Variants in VRTN observed in about 807,000 individuals in gnomAD.
VRTN encodes vertebrae development associated.
VRTN carries 5 observed loss-of-function variants against 18.2 expected under a neutral mutation model. The observed-to-expected ratio is 0.27, with a 90% confidence interval of 0.14 to 0.58. The LOEUF (loss-of-function observed/expected upper bound fraction) is 0.58. Among genes scored for constraint, VRTN ranks in the 20% least tolerant of loss-of-function variants. The pLI, the probability that VRTN is intolerant of heterozygous loss-of-function variation, is 0.91. For synonymous variants in VRTN, 381 were observed against 393.7 expected (o/e 0.97, Z 0.38); for missense variants, 741 against 939.4 (o/e 0.79, Z 2.76).
intron 1 of VRTN, among the ~76,000 whole-genome samples, chr14:74,353,763 T>C (rs2140212928): frequency 6.6e-6 from 1 of 152,038 alleles, no homozygotes; most frequent in East Asian, 1.9e-4. Context: ...CACTCTGTCG[T>C]CCAGGCTGGA....
At chr14:74,331,688 G>A (rs866570557) in intron 1 of VRTN, among the ~76,000 whole-genome samples, 1 of 149,346 alleles carries the variant, frequency 6.7e-6, no homozygotes, top group African/African-American at 2.5e-5. Context: ...GAGCTTAGAG[G>A]TAATTTTAGT....
At chr14:74,315,440 T>C (rs2085414299) in intron 1 of VRTN, among the ~76,000 whole-genome samples, 4 of 152,152 alleles carry the variant, frequency 2.6e-5, no homozygotes, top group Admixed American at 2.6e-4. Context: ...TGGCCATGCC[T>C]ATAATCCCAG....
At chr14:74,334,935 G>C (rs922548299) in intron 1 of VRTN, among the ~76,000 whole-genome samples, 1 of 152,132 alleles carries the variant, frequency 6.6e-6, no homozygotes, top group Non-Finnish European at 1.5e-5. Flanking sequence ...AAGACAAAGA[G>C]TATGATTCCT....
At chr14:74,332,869 G>A (rs543205980) in intron 1 of VRTN, among the ~76,000 whole-genome samples, 5 of 152,198 alleles carry the variant, frequency 3.3e-5, no homozygotes, top group African/African-American at 1.2e-4. Flanking sequence ...TGAAATCTTT[G>A]CTCTCCCATG....
chr14:74,324,634 TC>T (rs1432545864), intron 1 of VRTN, among the ~76,000 whole-genome samples: 1 of 151,986 alleles, frequency 6.6e-6, no homozygotes, highest in African/African-American at 2.4e-5. Flanking sequence ...ACACCTGTAA[TC>T]CCAGCACTTT....
chr14:74,326,575 G>C (rs921447920), intron 1 of VRTN, among the ~76,000 whole-genome samples: 7 of 152,032 alleles, frequency 4.6e-5, no homozygotes, highest in Non-Finnish European at 2.9e-5. Flanking sequence ...TCTCGCACCT[G>C]CTGGCAGCGG....
At position 74,358,096 on chromosome 14, in the gene VRTN, A is replaced by C; in HGVS notation, c.1313A>C (p.Asn438Thr). ...FPGISRSTYYNWRRKALRRNP... is the reference protein window; with the variant it reads ...FPGISRSTYYTWRRKALRRNP... The stretch of plus-strand genomic sequence containing the variant: ...GGCATCTCACGGTCCACTTATTATA[A>C]TTGGCGGCGAAAGGCCCTCCGGAGG... The change falls in exon 2 of 2, where the codon AAT becomes ACT. Residue 438 changes from asparagine to threonine, a missense_variant. By Grantham distance (65) the Asn-to-Thr change is moderately conservative. Coordinates refer to ENST00000256362, the MANE Select transcript of VRTN (RefSeq NM_018228.3). The surrounding 1 kb of genome is among the most constrained non-coding windows in gnomAD (Gnocchi z 5.4). 6.2e-7 allele frequency: 1 copy of C among 1,614,156 alleles called. No homozygotes were observed. Among genetic ancestry groups the C allele is most frequent in the East Asian group, 2.2e-5 (1 of 44,876 alleles).
chr14:74,344,772 A>T (rs1018598806), upstream of VRTN, among the ~76,000 whole-genome samples: 1 of 146,574 alleles, frequency 6.8e-6, no homozygotes, highest in Admixed American at 6.7e-5. Context: ...ATGTAAAAAT[A>T]TGTGTGTAAC....
rs181508304 is a variant in VRTN, at chr14:74,321,794, G to A, written c.-163-15929G>A. Among the ~76,000 whole-genome samples the A allele has an allele frequency of 2.6e-3, 393 of 151,644 alleles. 2 individuals are homozygous for A. Among genetic ancestry groups the A allele is most frequent in the African/African-American group, 9.1e-3 (377 of 41,348 alleles). On this transcript the variant is annotated intron_variant, in intron 1 of 2. Transcript: ENST00000557177. The stretch of plus-strand genomic sequence containing the variant: ...GTTGGGATTACAGGCGTGAGCCACC[G>A]TGCCCAGCTTTTCATTTGCATTTTT...
At chr14:74,353,489 T>C (rs2085700887) in intron 1 of VRTN, among the ~76,000 whole-genome samples, 1 of 152,120 alleles carries the variant, frequency 6.6e-6, no homozygotes, top group African/African-American at 2.4e-5. Context: ...CTTTGTGCAG[T>C]GAATAGATTG....
chr14:74,323,356 G>C (rs2140197873), intron 1 of VRTN, among the ~76,000 whole-genome samples: 1 of 152,128 alleles, frequency 6.6e-6, no homozygotes, highest in East Asian at 1.9e-4. Context: ...GGCCGAGGCG[G>C]GCAGATCGCC....
At chr14:74,340,391 C>T (rs1450611452) in intron 2 of VRTN, among the ~76,000 whole-genome samples, 2 of 151,902 alleles carry the variant, frequency 1.3e-5, no homozygotes, top group East Asian at 3.9e-4. Context: ...GGATTACAGG[C>T]GTGAGCCACC....
At chr14:74,355,810 G>A (rs1446191050) in intron 1 of VRTN, among the ~76,000 whole-genome samples, 1 of 151,028 alleles carries the variant, frequency 6.6e-6, no homozygotes, top group Non-Finnish European at 1.5e-5. Flanking sequence ...CAAAGTGCAT[G>A]AGCCACTGCA....
intron 1 of VRTN, among the ~76,000 whole-genome samples, chr14:74,319,935 A>C (rs1260084728): frequency 6.6e-6 from 1 of 152,186 alleles, no homozygotes; most frequent in East Asian, 1.9e-4. Context: ...CCTGAAAGCC[A>C]AAGAATATGA....
At chr14:74,310,169 G>A (rs1194739586) in intron 1 of VRTN, among the ~76,000 whole-genome samples, 5 of 152,134 alleles carry the variant, frequency 3.3e-5, no homozygotes, top group South Asian at 2.1e-4. Context: ...AGGCTGAGGC[G>A]GGTGGATCAC....
chr14:74,326,264 G>C (rs765942873), intron 1 of VRTN, among the ~76,000 whole-genome samples: 66 of 152,238 alleles, frequency 4.3e-4, no homozygotes, highest in African/African-American at 9.9e-4. Flanking sequence ...AAGAAAGAAA[G>C]AAACAAACAA....
intron 1 of VRTN, among the ~76,000 whole-genome samples, chr14:74,305,157 T>A (rs904064508): frequency 1.3e-5 from 2 of 151,728 alleles, no homozygotes; most frequent in Non-Finnish European, 2.9e-5. Flanking sequence ...CATGACAAAA[T>A]CCCGTCTTTA....
In VRTN at chr14:74,326,336, C is replaced by T. The variant is rs28669854; in HGVS notation, c.-163-11387C>T. On this transcript the variant is annotated intron_variant, in intron 1 of 2. Transcript: ENST00000557177. ...GGGGAAGCAGGGTGTTTTGGCAGAA[C>T]ATAGAAAATGGGAATTTGGGGACTG... Among the ~76,000 whole-genome samples the T allele has an allele frequency of 6.8e-3, 1,041 of 152,176 alleles. 9 individuals carry two copies. The highest frequency in any genetic ancestry group is 0.024 in the African/African-American group (986 of 41,538).
intron 1 of VRTN, among the ~76,000 whole-genome samples, chr14:74,331,749 C>T (rs2085527158): frequency 6.6e-6 from 1 of 150,652 alleles, no homozygotes; most frequent in Non-Finnish European, 1.5e-5. Context: ...GACGTGAAAT[C>T]TTCACAACAT....
Sources: allele counts gnomAD v4.1 joint callset (sites outside exome capture counted in the v4.1 genomes callset), GRCh38; gene constraint gnomAD v4.1.1; non-coding constraint Gnocchi (gnomAD v3.1); transcripts MANE v1.5; gene names NCBI Gene and HGNC (gene_info 2026-07-23, HGNC 2026-07-21).